Variants in CCDC171 observed in about 807,000 individuals in gnomAD.
CCDC171 encodes the protein coiled-coil domain-containing protein 171.
A neutral mutation model predicts 168.2 loss-of-function variants in CCDC171; 177 were observed. The observed-to-expected ratio is 1.05, with a 90% CI of 0.93 to 1.19. The LOEUF (loss-of-function observed/expected upper bound fraction) is 1.19, where lower values mean the gene tolerates loss of function less well. CCDC171 is among the 50% of genes most tolerant of loss of function. The pLI is 0.00. For synonymous variants in CCDC171, 687 were observed against 540.8 expected (o/e 1.27, Z -3.75); for missense variants, 1,991 against 1,539.0 (o/e 1.29, Z -4.91).
At chr9:15,798,149 A>G (rs1189245853) in intron 21 of CCDC171, among the ~76,000 whole-genome samples, 1 of 152,102 alleles carries the variant, frequency 6.6e-6, no homozygotes, top group African/African-American at 2.4e-5. Flanking sequence ...TTGAATTTCT[A>G]TACAAGTTTT....
At chr9:15,722,523 G>T (rs993542687) in intron 12 of CCDC171, among the ~76,000 whole-genome samples, 4 of 152,156 alleles carry the variant, frequency 2.6e-5, no homozygotes, top group Non-Finnish European at 2.9e-5. Context: ...TGAAGAGTTT[G>T]TCTAGTTACA....
At chr9:15,922,037 T>G (rs190413920) in intron 25 of CCDC171, 109 of 175,390 alleles carry the variant, frequency 6.2e-4, no homozygotes, top group African/African-American at 2.4e-3. Flanking sequence ...TTAATGAAAG[T>G]GTGTTTAATA....
intron 21 of CCDC171, among the ~76,000 whole-genome samples, chr9:15,825,870 G>A (rs756722426): frequency 1.3e-5 from 2 of 152,072 alleles, no homozygotes; most frequent in African/African-American, 2.4e-5. Context: ...ACCAAAATGT[G>A]GTAGACACTA....
At chr9:15,743,429 C>G (rs1443449712) in intron 16 of CCDC171, among the ~76,000 whole-genome samples, 1 of 152,116 alleles carries the variant, frequency 6.6e-6, no homozygotes, top group Non-Finnish European at 1.5e-5. Flanking sequence ...GCCTCAGCCT[C>G]CCAAACACTG....
chr9:15,573,044 A>T (rs1256452727), intron 3 of CCDC171, among the ~76,000 whole-genome samples: 1 of 152,148 alleles, frequency 6.6e-6, no homozygotes, highest in East Asian at 1.9e-4. Flanking sequence ...CTGTAATCTC[A>T]GCTACTTGGG....
intron 18 of CCDC171, among the ~76,000 whole-genome samples, chr9:15,748,479 A>G (rs2055461745): frequency 6.6e-6 from 1 of 152,206 alleles, no homozygotes; most frequent in Admixed American, 6.5e-5. Context: ...AGAACACCAC[A>G]AAGATATTCC....
intron 24 of CCDC171, among the ~76,000 whole-genome samples, chr9:15,918,436 A>G (rs995813512): frequency 2.0e-5 from 3 of 151,340 alleles, no homozygotes; most frequent in African/African-American, 7.2e-5. Context: ...CAGAAAAAAA[A>G]AAAAAACCAG....
intron 25 of CCDC171, among the ~76,000 whole-genome samples, chr9:15,947,309 A>G (rs886242755): frequency 2.0e-4 from 30 of 151,976 alleles, no homozygotes; most frequent in African/African-American, 6.8e-4. Context: ...CACTAAATAC[A>G]CTTTTAAAAT....
chr9:15,657,306 A>C, intron 8 of CCDC171, 87 bp downstream of exon 8: 1 of 735,382 alleles, frequency 1.4e-6, no homozygotes, highest in Non-Finnish European at 2.4e-6. Flanking sequence ...CAGAGAACGA[A>C]GGTGTGCATT....
intron 21 of CCDC171, among the ~76,000 whole-genome samples, chr9:15,840,148 ACTT>A (rs2060616036): frequency 6.6e-6 from 1 of 152,102 alleles, no homozygotes; most frequent in Non-Finnish European, 1.5e-5. Flanking sequence ...CCTATTATTC[ACTT>A]CTATCACCAA....
intron 18 of CCDC171, among the ~76,000 whole-genome samples, chr9:15,766,230 C>A (rs926751315): frequency 1.3e-5 from 2 of 152,108 alleles, no homozygotes; most frequent in African/African-American, 4.8e-5. Flanking sequence ...CTGCTGTCTC[C>A]TGTGCCGTGA....
At chr9:15,725,915 T>C (rs2053771942) in intron 14 of CCDC171, among the ~76,000 whole-genome samples, 1 of 152,226 alleles carries the variant, frequency 6.6e-6, no homozygotes, top group Non-Finnish European at 1.5e-5. Flanking sequence ...TTATGTTTAT[T>C]AATGACTTAT....
chr9:15,583,248 C>G (rs973772232), intron 4 of CCDC171, among the ~76,000 whole-genome samples: 3 of 151,898 alleles, frequency 2.0e-5, no homozygotes, highest in Non-Finnish European at 4.4e-5. Context: ...AACCCCGTCT[C>G]TACTAAAAAT....
intron 23 of CCDC171, among the ~76,000 whole-genome samples, chr9:15,857,224 T>C (rs887383044): frequency 1.3e-5 from 2 of 151,960 alleles, no homozygotes; most frequent in Non-Finnish European, 2.9e-5. Flanking sequence ...AGAAGCTTTT[T>C]CATTTGATGT....
chr9:15,866,369 C>G (rs770197), intron 23 of CCDC171, among the ~76,000 whole-genome samples: 130,737 of 151,924 alleles, frequency 0.86, 56,321 homozygotes, highest in East Asian at 0.99. Flanking sequence ...GATGGGGGCT[C>G]AGAAGGGTTG....
chr9:15,906,772 C>T (rs1822702939), intron 24 of CCDC171, among the ~76,000 whole-genome samples: 1 of 152,078 alleles, frequency 6.6e-6, no homozygotes, highest in Non-Finnish European at 1.5e-5. Flanking sequence ...ATCTAGAAAA[C>T]CCCATCGTCT....
Position 16,043,806 on chromosome 9 carries a change from T to C in CCDC171, n.89+920T>C, listed in dbSNP as rs563473034. Among the ~76,000 whole-genome samples, 5 of 152,352 alleles carry C rather than the reference T, an allele frequency of 3.3e-5. No individual in the cohort carries two copies. The East Asian group carries it at 9.6e-4, about 29-fold the overall frequency. ...GAGAGATTTCAAAAAATCAAAGTACTGAATCTTACTACAGGGCCCTTAGGA... is the reference window on the plus strand; with the variant it reads ...GAGAGATTTCAAAAAATCAAAGTACCGAATCTTACTACAGGGCCCTTAGGA... On this transcript the variant is annotated intron_variant and non_coding_transcript_variant, in intron 1 of 1. Coordinates refer to the CCDC171 transcript ENST00000478913.
chr9:15,822,140 C>G (rs1173774466), intron 21 of CCDC171, among the ~76,000 whole-genome samples: 3 of 152,090 alleles, frequency 2.0e-5, no homozygotes, highest in African/African-American at 7.2e-5. Flanking sequence ...ATGTAGAAAG[C>G]TGACACTGGA....
At chr9:15,776,089 G>A (rs1262486190) in intron 18 of CCDC171, 1 of 152,002 alleles carries the variant, frequency 6.6e-6, no homozygotes, top group East Asian at 1.9e-4. Context: ...TCAGTGTTCT[G>A]TGTTATATAT....
Sources: allele counts gnomAD v4.1 joint callset (sites outside exome capture counted in the v4.1 genomes callset), GRCh38; gene constraint gnomAD v4.1.1; transcripts MANE v1.5; gene names NCBI Gene and HGNC (gene_info 2026-07-23, HGNC 2026-07-21).